FBXL17: variants seen among roughly 807,000 people sequenced by gnomAD.
The protein encoded by FBXL17 is F-box and leucine rich repeat protein 17.
A neutral mutation model predicts 66.2 loss-of-function variants in FBXL17; 22 were observed. The ratio of observed to expected loss-of-function variants is 0.33; its 90% CI spans 0.24 to 0.47. The LOEUF (loss-of-function observed/expected upper bound fraction) is 0.47, where lower values mean the gene tolerates loss of function less well. FBXL17 is among the 20% of genes least tolerant of loss of function. The pLI, the probability that FBXL17 is intolerant of heterozygous loss-of-function variation, is 1.00. For synonymous variants in FBXL17, 474 were observed against 400.5 expected (o/e 1.18, Z -2.19); for missense variants, 878 against 948.2 (o/e 0.93, Z 0.97).
chr5:108,004,622 G>C (rs1753856872), intron 7 of FBXL17, among the ~76,000 whole-genome samples: 1 of 152,112 alleles, frequency 6.6e-6, no homozygotes, highest in African/African-American at 2.4e-5. Context: ...TGGGATCGAG[G>C]ACAGCTTAGT....
intron 6 of FBXL17, among the ~76,000 whole-genome samples, chr5:108,027,621 T>A (rs954578949): frequency 6.6e-6 from 1 of 152,144 alleles, no homozygotes; most frequent in African/African-American, 2.4e-5. Context: ...ATAATACTTA[T>A]AACCTTGATG....
chr5:108,063,312 C>A (rs532489406), intron 6 of FBXL17, among the ~76,000 whole-genome samples: 36 of 152,270 alleles, frequency 2.4e-4, no homozygotes, highest in African/African-American at 8.7e-4. Flanking sequence ...AAAGGAGACA[C>A]CATAGTGTCT....
At chr5:108,182,917 T>A (rs1015938168) in intron 6 of FBXL17, among the ~76,000 whole-genome samples, 1 of 152,158 alleles carries the variant, frequency 6.6e-6, no homozygotes, top group Admixed American at 6.6e-5. Context: ...CAACGAAGTA[T>A]AGACCGTATC....
Position 108,045,401 on chromosome 5 carries a change from C to T in FBXL17, c.1746-24400G>A, listed in dbSNP as rs138141333. ...AGGTTTCAGTGAGCTCAGATCGCAC[C>T]ACTGCACTCCAGCCTGGGCGATAGA... On this transcript the variant is annotated intron_variant, in intron 6 of 8. Transcript: ENST00000542267. Among the ~76,000 whole-genome samples, 469 of 152,162 alleles carry T rather than the reference C, an allele frequency of 3.1e-3. 2 individuals are homozygous for T. Among genetic ancestry groups the T allele is most frequent in the African/African-American group, 0.011 (442 of 41,490 alleles).
intron 7 of FBXL17, among the ~76,000 whole-genome samples, chr5:107,945,458 C>G (rs1355487718): frequency 6.6e-6 from 1 of 151,968 alleles, no homozygotes; most frequent in African/African-American, 2.4e-5. Flanking sequence ...GGAAAATAAC[C>G]TAAATGCCCA....
At position 107,861,092 on chromosome 5, in the gene FBXL17, T is replaced by A. The variant is rs1425891167; in HGVS notation, c.*628A>T. ...TATAACAAATTTAGAAAAGGCTTTATTCTTTCTAGTCCCCAAGTCACCCAC... is the reference window on the plus strand; with the variant it reads ...TATAACAAATTTAGAAAAGGCTTTAATCTTTCTAGTCCCCAAGTCACCCAC... On this transcript the variant is annotated 3_prime_UTR_variant, in exon 9 of 9. Transcript: ENST00000542267. The A allele has an allele frequency of 6.6e-6, 1 of 152,244 alleles. No homozygotes were observed. Among genetic ancestry groups the A allele is most frequent in the African/African-American group, 2.4e-5 (1 of 41,440 alleles). 9.4% of individuals were successfully genotyped at this position (152,244 alleles called of 1,614,324 possible).
chr5:108,057,885 T>G (rs977521497), intron 6 of FBXL17, among the ~76,000 whole-genome samples: 2 of 152,224 alleles, frequency 1.3e-5, no homozygotes, highest in African/African-American at 4.8e-5. Context: ...CTTTCAAAAT[T>G]AATTACACAT....
chr5:107,967,380 T>C (rs17372250), intron 7 of FBXL17, among the ~76,000 whole-genome samples: 30,788 of 151,734 alleles, frequency 0.2, 3,949 homozygotes, highest in Non-Finnish European at 0.29. Context: ...ACTTGACCAA[T>C]GTTGACAGCT....
intron 7 of FBXL17, among the ~76,000 whole-genome samples, chr5:108,009,418 T>C (rs1754094468): frequency 6.6e-6 from 1 of 150,738 alleles, no homozygotes; most frequent in African/African-American, 2.4e-5. Context: ...TCCTAATTTT[T>C]AGTTTTTTAA....
intron 6 of FBXL17, among the ~76,000 whole-genome samples, chr5:108,124,933 C>T (rs1192086248): frequency 6.6e-6 from 1 of 151,964 alleles, no homozygotes; most frequent in Non-Finnish European, 1.5e-5. Context: ...AATCAAATAT[C>T]CCCTTTTCAA....
chr5:108,238,011 T>G (rs1284225582), intron 4 of FBXL17, among the ~76,000 whole-genome samples: 1 of 152,258 alleles, frequency 6.6e-6, no homozygotes, highest in Non-Finnish European at 1.5e-5. Flanking sequence ...GAAAATTATC[T>G]TTTATCTTTA....
At chr5:108,204,370 A>G (rs1259192203) in intron 5 of FBXL17, among the ~76,000 whole-genome samples, 1 of 151,910 alleles carries the variant, frequency 6.6e-6, no homozygotes, top group African/African-American at 2.4e-5. Context: ...TTTTGTAGAG[A>G]TGGGTCTTAC....
chr5:108,364,078 C>A (rs1748509283), intron 3 of FBXL17, among the ~76,000 whole-genome samples: 2 of 151,972 alleles, frequency 1.3e-5, no homozygotes, highest in African/African-American at 2.4e-5. Context: ...TACTGACACA[C>A]CCAGTACTCA....
chr5:108,276,639 A>G (rs1345444159), intron 4 of FBXL17, among the ~76,000 whole-genome samples: 1 of 152,184 alleles, frequency 6.6e-6, no homozygotes, highest in Non-Finnish European at 1.5e-5. Flanking sequence ...CTAACAAACA[A>G]GTCAAATACA....
intron 6 of FBXL17, among the ~76,000 whole-genome samples, chr5:108,164,389 T>C (rs574950612): frequency 1.3e-5 from 2 of 152,296 alleles, no homozygotes; most frequent in East Asian, 3.9e-4. Context: ...ACTCATTTGG[T>C]AATTAACGAT....
intron 7 of FBXL17, among the ~76,000 whole-genome samples, chr5:107,929,591 T>C (rs182940247): frequency 2.0e-5 from 3 of 152,308 alleles, no homozygotes; most frequent in Admixed American, 6.5e-5. Flanking sequence ...TGCTGATTTA[T>C]TGACAATATT....
At chr5:108,291,454 T>C (rs1051586220) in intron 4 of FBXL17, among the ~76,000 whole-genome samples, 4 of 152,198 alleles carry the variant, frequency 2.6e-5, no homozygotes, top group Admixed American at 2.6e-4. Context: ...GAGAAATGAA[T>C]CTCAAACAGT....
At chr5:108,337,890 T>C (rs1268617534) in intron 4 of FBXL17, among the ~76,000 whole-genome samples, 1 of 152,044 alleles carries the variant, frequency 6.6e-6, no homozygotes, top group Non-Finnish European at 1.5e-5. Context: ...CAGAGGAATA[T>C]ATACAATGTA....
At chr5:107,953,379 G>A (rs998652083) in intron 7 of FBXL17, among the ~76,000 whole-genome samples, 1 of 140,074 alleles carries the variant, frequency 7.1e-6, no homozygotes, top group Non-Finnish European at 1.5e-5. Context: ...CTCCAGCCTG[G>A]ACGACAGAGT....
Sources: gnomAD v4.1 joint callset for allele counts (sites outside exome capture counted in the v4.1 genomes callset) on GRCh38, gnomAD v4.1.1 for gene constraint, MANE v1.5 for transcripts, NCBI Gene and HGNC (gene_info 2026-07-23, HGNC 2026-07-21) for gene names.